The following TNPO1 variants were observed in gnomAD, a reference collection of about 807,000 sequenced individuals.
TNPO1 encodes the protein transportin-1.
In TNPO1, 8 loss-of-function variants were observed where a neutral mutation model predicts 119.5. The observed-to-expected ratio is 0.07, with a 90% confidence interval of 0.04 to 0.12. TNPO1 has a LOEUF of 0.12. Among genes scored for constraint, TNPO1 ranks in the 10% least tolerant of loss-of-function variants. The pLI is 1.00. For synonymous variants in TNPO1, 362 were observed against 363.0 expected, an observed-to-expected ratio of 1.00 and a Z score of 0.03; for missense variants, 576 against 1,089.8, an observed-to-expected ratio of 0.53 and a Z score of 6.64.
At chr5:72,830,430 G>A (rs190717307) in intron 1 of TNPO1, among the ~76,000 whole-genome samples, 3 of 152,176 alleles carry the variant, frequency 2.0e-5, no homozygotes, top group East Asian at 1.9e-4. Context: ...CCCACATATC[G>A]AATTATTGAA....
In TNPO1 at chr5:72,911,727, GCTGTTAGTGTGCTCAACTACAGAA is replaced by G. The variant is rs975481266; in HGVS notation, c.*3055_*3078del. The G allele has an allele frequency of 1.0e-4, 16 of 152,680 alleles. No individual in the cohort carries two copies. Among genetic ancestry groups the G allele is most frequent in the African/African-American group, 3.8e-4 (16 of 41,578 alleles). 9.5% of individuals were successfully genotyped at this position (152,680 alleles called of 1,614,324 possible). A position where few individuals can be genotyped will look rare whatever the true frequency, so the allele number is the denominator to read the frequency against. The stretch of plus-strand genomic sequence containing the variant: ...TCATCTGCTCCTTACACACTAAAAT[GCTGTTAGTGTGCTCAACTACAGAA>G]ATAGCCGCTGCTAAGTGATGTAGAT... On this transcript the variant is annotated 3_prime_UTR_variant, in exon 25 of 25. Transcript: ENST00000337273.
chr5:72,820,883 A>G (rs1743928531), intron 1 of TNPO1, among the ~76,000 whole-genome samples: 1 of 152,216 alleles, frequency 6.6e-6, no homozygotes, highest in East Asian at 1.9e-4. Context: ...TGGATGAGAT[A>G]TAATTGGTAA....
chr5:72,905,268 G>A, intron 23 of TNPO1, 35 bp from the exon 24 acceptor site: 1 of 1,484,406 alleles, frequency 6.7e-7, no homozygotes, highest in Non-Finnish European at 9.3e-7. Context: ...TTTTTCTCTT[G>A]TTATTGATAA....
chr5:72,854,957 A>C (rs971755579), intron 3 of TNPO1, among the ~76,000 whole-genome samples: 3 of 152,084 alleles, frequency 2.0e-5, no homozygotes, highest in Non-Finnish European at 4.4e-5. Flanking sequence ...TTTCAATATT[A>C]TATTTTTTTG....
chr5:72,872,444 T>C (rs578143131), intron 6 of TNPO1, among the ~76,000 whole-genome samples, 195 bp from the exon 7 acceptor site: 1 of 152,230 alleles, frequency 6.6e-6, no homozygotes, highest in Non-Finnish European at 1.5e-5. Context: ...TACATATTGC[T>C]CTGCAGCTTG....
rs1300509070 is a variant in TNPO1 at position 72,910,402 on chromosome 5, TC to T, written c.*1730del. The T allele has an allele frequency of 6.6e-5, 10 of 152,614 alleles. No homozygotes were observed. Among genetic ancestry groups the T allele is most frequent in the African/African-American group, 2.4e-4 (10 of 41,462 alleles). The allele number at this position is 152,614 out of a possible 1,614,324, so 9.5% of individuals were successfully genotyped here. The stretch of plus-strand genomic sequence containing the variant: ...CTAACTGGTACACTTGATCTTGTGT[TC>T]ATATGAAAGTGCAAGTCTTTATTAA... On this transcript the variant is annotated 3_prime_UTR_variant, in exon 25 of 25. Coordinates refer to ENST00000337273, the MANE Select transcript of TNPO1 (RefSeq NM_002270.4).
intron 1 of TNPO1, among the ~76,000 whole-genome samples, chr5:72,841,633 C>T (rs909867901): frequency 1.6e-4 from 24 of 152,180 alleles, no homozygotes; most frequent in African/African-American, 5.8e-4. Context: ...GCCACCGCGC[C>T]CAGCCTATAG....
chr5:72,859,804 A>G (rs977216018), intron 4 of TNPO1, among the ~76,000 whole-genome samples: 2 of 152,208 alleles, frequency 1.3e-5, no homozygotes, highest in African/African-American at 4.8e-5. Context: ...TTAAGATTTT[A>G]ATAGGTGTTG....
Position 72,889,052 on chromosome 5 carries a change from A to G in TNPO1, c.1530-734A>G, listed in dbSNP as rs941170258. 1.7e-4 allele frequency among the ~76,000 whole-genome samples: 26 copies of G among 152,138 alleles called. 1 individual carries two copies. The highest frequency in any genetic ancestry group is 6.0e-4 in the African/African-American group (25 of 41,448). ...AAAAAATAACTGTTGAACAAAAAAA[A>G]GGAAAATTTTATTTTATTTTTTTTA... is the stretch of plus-strand genomic sequence containing the variant. On this transcript the variant is annotated intron_variant, in intron 13 of 24. Transcript: ENST00000337273.
At chr5:72,881,698 C>T (rs943689602) in intron 9 of TNPO1, among the ~76,000 whole-genome samples, 1 of 152,136 alleles carries the variant, frequency 6.6e-6, no homozygotes, top group African/African-American at 2.4e-5. Context: ...CACTTAGGCT[C>T]GTAAAGAAAG....
intron 3 of TNPO1, among the ~76,000 whole-genome samples, chr5:72,855,334 C>T (rs1745905283): frequency 6.6e-6 from 1 of 151,998 alleles, no homozygotes. Flanking sequence ...ACTTCCAGCT[C>T]TATAATGATG....
chr5:72,822,506 A>G (rs1580356596), intron 1 of TNPO1, among the ~76,000 whole-genome samples: 1 of 151,868 alleles, frequency 6.6e-6, no homozygotes, highest in Non-Finnish European at 1.5e-5. Context: ...GTGTGCTAGG[A>G]TTAGTCCTTG....
At chr5:72,816,779 C>A in intron 1 of TNPO1, 27 bp downstream of exon 1, 1 of 1,579,662 alleles carries the variant, frequency 6.3e-7, no homozygotes, top group Non-Finnish European at 8.6e-7. Flanking sequence ...TGCGCGGCCC[C>A]GAACTGCAGG....
intron 6 of TNPO1, among the ~76,000 whole-genome samples, chr5:72,871,093 C>T (rs993891410): frequency 2.0e-5 from 3 of 152,132 alleles, no homozygotes; most frequent in Non-Finnish European, 4.4e-5. Context: ...CCTCCTGCCT[C>T]AGCCTCCCGA....
chr5:72,819,552 G>A (rs1335715249), intron 1 of TNPO1, among the ~76,000 whole-genome samples: 1 of 152,080 alleles, frequency 6.6e-6, no homozygotes, highest in African/African-American at 2.4e-5. Context: ...TTCTGGAGTA[G>A]ATAGAATACA....
chr5:72,834,255 T>G (rs1274485541), intron 1 of TNPO1, among the ~76,000 whole-genome samples: 1 of 152,242 alleles, frequency 6.6e-6, no homozygotes, highest in Non-Finnish European at 1.5e-5. Context: ...GTTCATGTAT[T>G]TACTATATTA....
chr5:72,824,913 C>T (rs1744138179), intron 1 of TNPO1, among the ~76,000 whole-genome samples: 1 of 152,164 alleles, frequency 6.6e-6, no homozygotes, highest in African/African-American at 2.4e-5. Context: ...AAACTTTCTC[C>T]CCAATGCCTG....
intron 6 of TNPO1, among the ~76,000 whole-genome samples, chr5:72,871,582 CAG>C (rs1747407566): frequency 6.6e-6 from 1 of 152,082 alleles, no homozygotes; most frequent in South Asian, 2.1e-4. Context: ...CAGGGATAGA[CAG>C]TGATTCAGAG....
At chr5:72,870,780 T>C (rs2112359074) in intron 6 of TNPO1, among the ~76,000 whole-genome samples, 1 of 152,286 alleles carries the variant, frequency 6.6e-6, no homozygotes, top group African/African-American at 2.4e-5. Flanking sequence ...GCCTTTAAAT[T>C]TTGCCTTACA....
Sources: allele counts gnomAD v4.1 joint callset (sites outside exome capture counted in the v4.1 genomes callset), GRCh38; gene constraint gnomAD v4.1.1; transcripts MANE v1.5; gene names NCBI Gene and HGNC (gene_info 2026-07-23, HGNC 2026-07-21).